Variants in PLAGL1 observed in about 807,000 individuals in gnomAD.
The protein encoded by PLAGL1 is PLAG1 like zinc finger 1.
In PLAGL1, 1 loss-of-function variant was observed where a neutral mutation model predicts 4.6. The ratio of observed to expected loss-of-function variants is 0.22; its 90% CI spans 0.08 to 1.03. The LOEUF is 1.03. Ranked by LOEUF, PLAGL1 falls within the 50% of genes least tolerant of loss-of-function variation. The probability of loss-of-function intolerance (pLI) is 0.58; values close to 1 mark genes in which losing one functional copy is unlikely to be tolerated. For synonymous variants in PLAGL1, 240 were observed against 237.8 expected (o/e 1.01, Z -0.08); for missense variants, 464 against 570.4 (o/e 0.81, Z 1.90).
chr6:144,019,300 C>T (rs758708137), intron 1 of PLAGL1, among the ~76,000 whole-genome samples: 15 of 151,978 alleles, frequency 9.9e-5, no homozygotes, highest in Non-Finnish European at 1.9e-4. Context: ...GGTGAAACAC[C>T]GTCTCTACTA....
intron 1 of PLAGL1, among the ~76,000 whole-genome samples, chr6:143,988,611 G>T (rs1383500767): frequency 6.6e-6 from 1 of 152,188 alleles, no homozygotes; most frequent in Admixed American, 6.5e-5. Flanking sequence ...TGCCTGCCTT[G>T]GTCAGTTCAG....
Position 143,941,357 on chromosome 6 carries a change from G to A in PLAGL1, c.*67C>T, listed in dbSNP as rs1472823253. On this transcript the variant is annotated 3_prime_UTR_variant, in exon 8 of 8. Coordinates refer to ENST00000674357, the MANE Select transcript of PLAGL1 (RefSeq NM_001317162.2). The surrounding 1 kb of genome is among the most constrained non-coding windows in gnomAD (Gnocchi z 6.0). ...TCGTTTTCCAAATCTTTCTCATATT[G>A]TAACTGACATTTAAAATGCTTCTTA... 2 of 1,250,524 alleles carry A rather than the reference G, an allele frequency of 1.6e-6. No individual in the cohort carries two copies. The highest frequency in any genetic ancestry group is 1.5e-5 in the African/African-American group (1 of 66,332). 77.5% of individuals were successfully genotyped at this position (1,250,524 alleles called of 1,614,324 possible).
intron 6 of PLAGL1, among the ~76,000 whole-genome samples, chr6:143,951,133 G>A (rs907886037): frequency 2.0e-5 from 3 of 152,020 alleles, no homozygotes; most frequent in Non-Finnish European, 2.9e-5. Flanking sequence ...TCGAGTTTCA[G>A]TTTCCTCATT....
In PLAGL1 at chr6:143,961,739, T is replaced by G. The variant is rs182449838; in HGVS notation, c.-398-1197A>C. 6.6e-6 allele frequency among the ~76,000 whole-genome samples: 1 copy of G among 152,206 alleles called. No homozygotes were observed. The highest frequency in any genetic ancestry group is 2.4e-5 in the African/African-American group (1 of 41,460). ...TCTCCAAAGGCTTGTATAAAATTTT[T>G]TTTGAAAGAGCTTTAAAAAGACATT... On this transcript the variant is annotated intron_variant, in intron 5 of 7. Transcript: ENST00000674357. The surrounding 1 kb of genome is among the most constrained non-coding windows in gnomAD (Gnocchi z 6.5).
In PLAGL1 at chr6:143,942,563, C is replaced by A. The variant is rs753068252; in HGVS notation, c.253G>T (p.Asp85Tyr). ...CACCCAAAGGCCATTTTGTTGGGGT[C>A]GTGGGTCTGGAGGTGGTTTTTCAGG... ...DHLKNHLQTH[D>Y]PNKMAFGCEE... The change falls in exon 8 of 8, where the codon GAC becomes TAC. Residue 85 changes from aspartate (D) to tyrosine (Y), a missense_variant. Physicochemically the swap from Asp to Tyr is radical, Grantham distance 160 (BLOSUM62 -3). This residue lies in a region of PLAGL1 where 161 missense variants were observed against 196.7 expected (regional missense o/e 0.82). Transcript: ENST00000674357. This position sits in a 1 kb window ranked among gnomAD's most constrained non-coding sequence, Gnocchi z 7.6. 20 of 1,613,906 alleles carry A rather than the reference C, an allele frequency of 1.2e-5. No homozygotes were observed. In the Admixed American group the frequency reaches 3.3e-4, roughly 27 times the overall value.
chr6:143,951,389 T>C lies in PLAGL1; in HGVS notation c.-324-2929A>G, dbSNP rs116334710. Among the ~76,000 whole-genome samples the C allele has an allele frequency of 6.7e-3, 1,014 of 152,326 alleles. 12 individuals are homozygous for C. Among genetic ancestry groups the C allele is most frequent in the African/African-American group, 0.024 (986 of 41,578 alleles). On this transcript the variant is annotated intron_variant, in intron 6 of 7. Coordinates refer to ENST00000674357, the MANE Select transcript of PLAGL1 (RefSeq NM_001317162.2). Reference sequence around the variant, plus strand: ...GGATACTACACCATATCAATTATACTGGAAAGAAGTGGCAGTGTGGACAAC... The same window carrying C: ...GGATACTACACCATATCAATTATACCGGAAAGAAGTGGCAGTGTGGACAAC...
intron 1 of PLAGL1, among the ~76,000 whole-genome samples, chr6:143,992,446 C>G (rs1014822960): frequency 1.3e-5 from 2 of 152,188 alleles, no homozygotes; most frequent in African/African-American, 4.8e-5. Context: ...GTTAGCACAA[C>G]ATAATGTTAG....
upstream of PLAGL1, among the ~76,000 whole-genome samples, chr6:144,013,402 T>C (rs1795328888): frequency 6.6e-6 from 1 of 152,190 alleles, no homozygotes. This position sits in a 1 kb window ranked among gnomAD's most constrained non-coding sequence, Gnocchi z 4.4. Context: ...AAAGAGCATT[T>C]GACAACTACA....
At chr6:144,032,224 G>A (rs1199654866) in intron 1 of PLAGL1, among the ~76,000 whole-genome samples, 8 of 149,520 alleles carry the variant, frequency 5.4e-5, no homozygotes, top group African/African-American at 1.5e-4. Context: ...GGGCTCAAGC[G>A]ATCCTCCTGC....
chr6:144,031,363 A>G (rs1203565544), intron 1 of PLAGL1, among the ~76,000 whole-genome samples: 2 of 152,130 alleles, frequency 1.3e-5, no homozygotes, highest in Non-Finnish European at 2.9e-5. Flanking sequence ...ATTAAGTCCC[A>G]TCTATTTATA....
chr6:143,948,461 C>T lies in PLAGL1; in HGVS notation c.-324-1G>A. The T allele has an allele frequency of 4.0e-6, 1 of 250,962 alleles. No individual in the cohort carries two copies. 15.5% of individuals were successfully genotyped at this position (250,962 alleles called of 1,614,324 possible). On this transcript the variant is annotated splice_acceptor_variant, in intron 6 of 7. Transcript: ENST00000674357. LOFTEE classifies it low-confidence loss of function (5UTR_SPLICE). This position sits in a 1 kb window ranked among gnomAD's most constrained non-coding sequence, Gnocchi z 6.0. The stretch of plus-strand genomic sequence containing the variant: ...GCATGTCCTGGGTCCCCCGGATTGG[C>T]TGTGGAGAGAAGAGGAACAGTTTTC...
intron 2 of PLAGL1, among the ~76,000 whole-genome samples, chr6:143,976,753 C>T (rs1354446729): frequency 6.6e-6 from 1 of 152,084 alleles, no homozygotes; most frequent in African/African-American, 2.4e-5. Context: ...TAAGTAACCA[C>T]CCCTAATTCT....
At chr6:143,987,122 GCTTACAT>G (rs1789366759) in intron 1 of PLAGL1, among the ~76,000 whole-genome samples, 1 of 152,088 alleles carries the variant, frequency 6.6e-6, no homozygotes, top group African/African-American at 2.4e-5. Context: ...AAATTAAAAT[GCTTACAT>G]CTTACGAGAT....
Position 144,037,931 on chromosome 6 carries a change from AGC to A in PLAGL1, c.-151+26535_-151+26536del, listed in dbSNP as rs140386114. 8.3e-3 allele frequency among the ~76,000 whole-genome samples: 1,258 copies of A among 152,358 alleles called. 8 individuals are homozygous for A. The highest frequency in any genetic ancestry group is 0.02 in the Middle Eastern group (6 of 294). On this transcript the variant is annotated intron_variant, in intron 1 of 3. Transcript: ENST00000437412. ...CCCCCCTTAGAATGTAAGAAAAGTTAGCGCTTGTCGCCAATAAATGGTAATAC... is the reference window on the plus strand; with the variant it reads ...CCCCCCTTAGAATGTAAGAAAAGTTAGCTTGTCGCCAATAAATGGTAATAC...
Position 143,955,954 on chromosome 6 carries a change from A to C in PLAGL1, c.-325+4515T>G, listed in dbSNP as rs1227061000. Among the ~76,000 whole-genome samples, 4 of 152,144 alleles carry C rather than the reference A, an allele frequency of 2.6e-5. No homozygotes were observed. Among genetic ancestry groups the C allele is most frequent in the Admixed American group, 2.0e-4 (3 of 15,284 alleles). On this transcript the variant is annotated intron_variant, in intron 6 of 7. Transcript: ENST00000674357. The surrounding 1 kb of genome is among the most constrained non-coding windows in gnomAD (Gnocchi z 4.9). ...GTTTTCTTCTGCATCCCAGAAGAAA[A>C]ACTCAGCAAAAAATAAGCGTTAGGA... is the stretch of plus-strand genomic sequence containing the variant.
intron 1 of PLAGL1, among the ~76,000 whole-genome samples, chr6:144,041,346 C>T (rs962157551): frequency 2.0e-5 from 3 of 151,916 alleles, no homozygotes; most frequent in South Asian, 2.1e-4. Context: ...CCCCACCCCA[C>T]ACCAGGCCCC....
chr6:143,995,021 T>C lies in PLAGL1; in HGVS notation c.-583-9847A>G, dbSNP rs1303313435. On this transcript the variant is annotated intron_variant, in intron 1 of 7. Transcript: ENST00000674357. This position sits in a 1 kb window ranked among gnomAD's most constrained non-coding sequence, Gnocchi z 4.4. ...GAACCATCACAAAGAGCAGGCACCC[T>C]GTGCTCAGAATCCAAGTAATCAGAG... Among the ~76,000 whole-genome samples, 1 of 152,186 alleles carries C rather than the reference T, an allele frequency of 6.6e-6. No homozygotes were observed. The highest frequency in any genetic ancestry group is 1.9e-4 in the East Asian group (1 of 5,196).
At chr6:143,944,743 T>C (rs1371782145) in intron 7 of PLAGL1, among the ~76,000 whole-genome samples, 1 of 151,710 alleles carries the variant, frequency 6.6e-6, no homozygotes, top group African/African-American at 2.4e-5. Context: ...CAGGAATACA[T>C]ATGAAGGGGG....
intron 7 of PLAGL1, among the ~76,000 whole-genome samples, chr6:143,946,271 G>GTTC (rs1779765487): frequency 6.6e-6 from 1 of 152,214 alleles, no homozygotes; most frequent in African/African-American, 2.4e-5. Context: ...AATCCCAATA[G>GTTC]TTCTACTCCA....
Sources: gnomAD v4.1 joint callset for allele counts (sites outside exome capture counted in the v4.1 genomes callset) on GRCh38, gnomAD v4.1.1 for gene constraint, gnomAD v4.1.1 regional missense constraint, Gnocchi (gnomAD v3.1) non-coding constraint, MANE v1.5 for transcripts, NCBI Gene and HGNC (gene_info 2026-07-23, HGNC 2026-07-21) for gene names.